Variants in SPAG16 observed in about 807,000 individuals in gnomAD.
SPAG16 encodes the protein sperm-associated antigen 16 protein.
A neutral mutation model predicts 80.4 loss-of-function variants in SPAG16; 86 were observed. The ratio of observed to expected loss-of-function variants is 1.07; its 90% CI spans 0.90 to 1.28. SPAG16 has a LOEUF of 1.28. SPAG16 is among the 50% of genes most tolerant of loss of function. SPAG16 has a pLI of 0.00. For missense variants in SPAG16, 870 were observed against 765.3 expected, an observed-to-expected ratio of 1.14 and a Z score of -1.61; for synonymous variants, 294 against 265.9, an observed-to-expected ratio of 1.11 and a Z score of -1.03.
At chr2:213,673,701 C>T (rs1056206700) in intron 10 of SPAG16, among the ~76,000 whole-genome samples, 1 of 152,048 alleles carries the variant, frequency 6.6e-6, no homozygotes, top group Non-Finnish European at 1.5e-5. Context: ...ACACTGGCTT[C>T]TACTAAGGTA....
chr2:213,795,941 T>C (rs2125622883), intron 10 of SPAG16, among the ~76,000 whole-genome samples: 1 of 152,288 alleles, frequency 6.6e-6, no homozygotes. Context: ...TTACCCAGCC[T>C]CAAGTGTTTC....
chr2:214,013,921 T>A, intron 12 of SPAG16, 30 bp from the exon 13 acceptor site: 2 of 1,606,904 alleles, frequency 1.2e-6, no homozygotes, highest in South Asian at 2.2e-5. Context: ...AGATACTAAC[T>A]CCTAAAATTC....
chr2:213,478,448 C>A (rs1425406417), intron 9 of SPAG16, among the ~76,000 whole-genome samples: 1 of 152,136 alleles, frequency 6.6e-6, no homozygotes, highest in Non-Finnish European at 1.5e-5. Context: ...TCTGTAATGT[C>A]ATAAATAGGA....
At chr2:214,066,507 T>A (rs12620889) in intron 13 of SPAG16, among the ~76,000 whole-genome samples, 104,427 of 152,010 alleles carry the variant, frequency 0.69, 37,052 homozygotes, top group South Asian at 0.8. Context: ...CTCCTTCCCA[T>A]ATTTATTATA....
At chr2:213,398,931 T>C (rs997518989) in intron 9 of SPAG16, among the ~76,000 whole-genome samples, 4 of 152,188 alleles carry the variant, frequency 2.6e-5, no homozygotes, top group African/African-American at 9.6e-5. Context: ...AAAAATGTGT[T>C]TTGTTAGTTG....
chr2:213,760,723 T>C (rs2068610808), intron 10 of SPAG16, among the ~76,000 whole-genome samples: 1 of 152,212 alleles, frequency 6.6e-6, no homozygotes, highest in Admixed American at 6.5e-5. Context: ...ATTGTCTTAG[T>C]TCATTTTTTG....
chr2:213,727,692 T>G (rs1296986771), intron 10 of SPAG16, among the ~76,000 whole-genome samples: 1 of 152,090 alleles, frequency 6.6e-6, no homozygotes, highest in Non-Finnish European at 1.5e-5. Flanking sequence ...ATTCCAAGGA[T>G]TTTGGTTTTT....
chr2:214,179,661 T>C (rs1279107652), intron 15 of SPAG16, among the ~76,000 whole-genome samples: 1 of 151,456 alleles, frequency 6.6e-6, no homozygotes, highest in Non-Finnish European at 1.5e-5. Flanking sequence ...GTGCTCTCAA[T>C]AGAATAGATA....
chr2:213,637,353 C>T (rs1229653969), intron 10 of SPAG16, among the ~76,000 whole-genome samples: 1 of 152,052 alleles, frequency 6.6e-6, no homozygotes, highest in Non-Finnish European at 1.5e-5. Context: ...AGTATTTTGT[C>T]GAGGATTTTT....
intron 13 of SPAG16, among the ~76,000 whole-genome samples, chr2:214,027,947 ACTAAGTGTGTTATTTTAG>A (rs1391349511): frequency 6.6e-6 from 1 of 151,912 alleles, no homozygotes; most frequent in Non-Finnish European, 1.5e-5. Context: ...ATAATATATG[ACTAAGTGTGTTATTTTAG>A]CTAACTAATT....
At chr2:213,845,244 C>T (rs2074558084) in intron 10 of SPAG16, among the ~76,000 whole-genome samples, 1 of 147,314 alleles carries the variant, frequency 6.8e-6, no homozygotes, top group South Asian at 2.1e-4. Context: ...GTTGCCCAGG[C>T]TGGAGTGCAG....
At chr2:214,408,887 T>C (rs1389790754) in intron 15 of SPAG16, among the ~76,000 whole-genome samples, 1 of 152,104 alleles carries the variant, frequency 6.6e-6, no homozygotes, top group East Asian at 1.9e-4. Flanking sequence ...TTCACCTACA[T>C]AGAGGAGGCA....
intron 9 of SPAG16, among the ~76,000 whole-genome samples, chr2:213,463,009 G>T (rs571016305): frequency 3.3e-5 from 5 of 152,308 alleles, no homozygotes; most frequent in South Asian, 4.1e-4. Flanking sequence ...TTATTGAATG[G>T]CTTTGACCAA....
chr2:213,317,361 G>A lies in SPAG16; in HGVS notation c.536+5G>A. 1 of 1,599,964 alleles carries A rather than the reference G, an allele frequency of 6.3e-7. No individual in the cohort carries two copies. Among genetic ancestry groups the A allele is most frequent in the African/African-American group, 1.3e-5 (1 of 74,076 alleles). On this transcript the variant is annotated splice_donor_5th_base_variant and intron_variant, in intron 5 of 15. Coordinates refer to ENST00000331683, the MANE Select transcript of SPAG16 (RefSeq NM_024532.5). ...GCACTACAAACAAGCAGCTGAGTAT[G>A]TTATTTTTTAAATGACATTTTCTTC...
At chr2:213,818,757 T>A (rs1477246789) in intron 10 of SPAG16, among the ~76,000 whole-genome samples, 1 of 152,038 alleles carries the variant, frequency 6.6e-6, no homozygotes, top group Non-Finnish European at 1.5e-5. Flanking sequence ...ATGGGGGTGG[T>A]TTTCCTGCTG....
chr2:213,489,224 C>G (rs1006629198), intron 9 of SPAG16, among the ~76,000 whole-genome samples: 6 of 151,930 alleles, frequency 3.9e-5, no homozygotes, highest in African/African-American at 1.2e-4. Flanking sequence ...GGATTCATAA[C>G]TTCTTTTTTT....
intron 10 of SPAG16, among the ~76,000 whole-genome samples, chr2:213,544,837 T>C (rs1292658055): frequency 6.6e-6 from 1 of 152,152 alleles, no homozygotes; most frequent in Non-Finnish European, 1.5e-5. Context: ...TCTCCGTTTC[T>C]TTTTGAGACT....
At position 214,042,007 on chromosome 2, in the gene SPAG16, T is replaced by TATAC. The variant is rs1371293247; in HGVS notation, c.1527+27931_1527+27932insTACA. 7.5e-3 allele frequency among the ~76,000 whole-genome samples: 753 copies of TATAC among 100,964 alleles called. 1 individual carries two copies. The highest frequency in any genetic ancestry group is 0.011 in the Non-Finnish European group (565 of 52,520). The allele number at this position is 100,964 out of a possible 152,430, so 66.2% of individuals were successfully genotyped here. ...ATATATATATATATATATATATATA[T>TATAC]ACACACACACACAAATATATACACA... On this transcript the variant is annotated intron_variant, in intron 13 of 15. Transcript: ENST00000331683.
At chr2:214,377,564 T>G (rs7420738) in intron 15 of SPAG16, among the ~76,000 whole-genome samples, 132,506 of 152,246 alleles carry the variant, frequency 0.87, 57,911 homozygotes, top group African/African-American at 0.93. Flanking sequence ...ACTACAGTAT[T>G]TAGGACATAT....
Sources: gnomAD v4.1 joint callset for allele counts (sites outside exome capture counted in the v4.1 genomes callset) on GRCh38, gnomAD v4.1.1 for gene constraint, MANE v1.5 for transcripts, NCBI Gene and HGNC (gene_info 2026-07-23, HGNC 2026-07-21) for gene names.